MAPK10: variants seen among roughly 807,000 people sequenced by gnomAD.
MAPK10 encodes the protein mitogen-activated protein kinase 10.
Under a neutral mutation model 59.3 loss-of-function variants are expected in MAPK10, and 25 were observed. The observed-to-expected ratio is 0.42, with a 90% CI of 0.31 to 0.59. The LOEUF (loss-of-function observed/expected upper bound fraction) is 0.59, where lower values mean the gene tolerates loss of function less well. Among genes scored for constraint, MAPK10 ranks in the 20% least tolerant of loss-of-function variants. MAPK10 has a pLI of 0.15. For synonymous variants in MAPK10, 190 were observed against 200.5 expected (o/e 0.95, Z 0.44); for missense variants, 351 against 568.9 (o/e 0.62, Z 3.90).
chr4:86,267,522 G>T (rs902970926), intron 2 of MAPK10, among the ~76,000 whole-genome samples: 1 of 152,044 alleles, frequency 6.6e-6, no homozygotes, highest in Non-Finnish European at 1.5e-5. Context: ...TGAGTAAAAG[G>T]CAAATTGTTC....
At chr4:86,359,263 C>CCTCTCTCTCT (rs367595812) in intron 1 of MAPK10, among the ~76,000 whole-genome samples, 3,579 of 53,362 alleles carry the variant, frequency 0.067, 254 homozygotes, top group East Asian at 0.079. Flanking sequence ...TTTTTTTTTT[C>CCTCTCTCTCT]CTCTCTCTCT....
intron 6 of MAPK10, among the ~76,000 whole-genome samples, chr4:86,102,690 T>C (rs1190028797): frequency 6.6e-6 from 1 of 152,032 alleles, no homozygotes; most frequent in Non-Finnish European, 1.5e-5. Flanking sequence ...CTGGATAATT[T>C]TTGTATTTTT....
intron 1 of MAPK10, among the ~76,000 whole-genome samples, chr4:86,491,306 C>T (rs1431520929): frequency 6.6e-6 from 1 of 152,206 alleles, no homozygotes; most frequent in Non-Finnish European, 1.5e-5. Flanking sequence ...GGGGCAAGCA[C>T]ACCTGTCCAA....
At chr4:86,551,132 C>A (rs899006237) in intron 1 of MAPK10, among the ~76,000 whole-genome samples, 1 of 152,182 alleles carries the variant, frequency 6.6e-6, no homozygotes, top group Non-Finnish European at 1.5e-5. Context: ...TCTGACCTCA[C>A]TCTTCTAATA....
At chr4:86,473,907 T>C (rs1307039522) in intron 1 of MAPK10, among the ~76,000 whole-genome samples, 2 of 152,130 alleles carry the variant, frequency 1.3e-5, no homozygotes, top group African/African-American at 4.8e-5. Context: ...CTCAGCACTT[T>C]GGAAGTCTGA....
intron 9 of MAPK10, among the ~76,000 whole-genome samples, chr4:86,092,633 A>G (rs2053468435): frequency 6.6e-6 from 1 of 151,870 alleles, no homozygotes; most frequent in Admixed American, 6.6e-5. Flanking sequence ...ATATATATAT[A>G]TATATTGCTA....
upstream of MAPK10, among the ~76,000 whole-genome samples, chr4:86,453,775 T>C (rs1160762637): frequency 2.6e-5 from 4 of 152,058 alleles, no homozygotes; most frequent in Non-Finnish European, 4.4e-5. Context: ...GATGCTCTCT[T>C]GAAAGCACCA....
chr4:86,537,810 T>C (rs530432790), intron 1 of MAPK10, among the ~76,000 whole-genome samples: 3 of 152,320 alleles, frequency 2.0e-5, no homozygotes, highest in African/African-American at 4.8e-5. Context: ...TTTTGATAAA[T>C]GGCCATTATT....
intron 1 of MAPK10, among the ~76,000 whole-genome samples, chr4:86,582,826 T>C (rs887322888): frequency 3.3e-5 from 5 of 152,230 alleles, no homozygotes; most frequent in African/African-American, 1.2e-4. Context: ...TTTTAGTTGA[T>C]AATTTATATT....
chr4:86,274,031 T>C (rs1205354539), intron 2 of MAPK10, among the ~76,000 whole-genome samples: 1 of 152,018 alleles, frequency 6.6e-6, no homozygotes, highest in East Asian at 1.9e-4. Context: ...TAAAATACAT[T>C]TCACAATAAT....
At chr4:86,456,390 T>C (rs1579285947), upstream of MAPK10, among the ~76,000 whole-genome samples, 2 of 151,648 alleles carry the variant, frequency 1.3e-5, no homozygotes, top group East Asian at 3.9e-4. Flanking sequence ...AAAAGGTAAA[T>C]AAGATTGATA....
chr4:86,041,512 A>C (rs2041517753), intron 11 of MAPK10, among the ~76,000 whole-genome samples: 1 of 152,222 alleles, frequency 6.6e-6, no homozygotes, highest in Admixed American at 6.5e-5. Flanking sequence ...GCTTCTGCAC[A>C]GCAAAAGAAA....
At chr4:86,548,713 C>T (rs1246221499) in intron 1 of MAPK10, among the ~76,000 whole-genome samples, 1 of 152,174 alleles carries the variant, frequency 6.6e-6, no homozygotes, top group African/African-American at 2.4e-5. Flanking sequence ...TCAGGTGTTT[C>T]TTCATAGCAG....
At chr4:86,153,132 C>T (rs527375366) in intron 4 of MAPK10, among the ~76,000 whole-genome samples, 5 of 152,050 alleles carry the variant, frequency 3.3e-5, no homozygotes, top group African/African-American at 9.6e-5. Context: ...CCCTAAAAGA[C>T]AAGTTCTAAA....
intron 2 of MAPK10, among the ~76,000 whole-genome samples, chr4:86,324,128 C>T (rs936970816): frequency 6.6e-6 from 1 of 152,138 alleles, no homozygotes. Flanking sequence ...TAGTTTAGGT[C>T]GGGCGTACTG....
intron 9 of MAPK10, among the ~76,000 whole-genome samples, chr4:86,070,983 G>A (rs2047810816): frequency 6.6e-6 from 1 of 151,950 alleles, no homozygotes; most frequent in Admixed American, 6.5e-5. Context: ...TTCCACAATG[G>A]TTGAACCAGT....
intron 1 of MAPK10, among the ~76,000 whole-genome samples, chr4:86,548,710 T>C (rs1759494543): frequency 6.6e-6 from 1 of 152,204 alleles, no homozygotes; most frequent in African/African-American, 2.4e-5. Context: ...GGCTCAGGTG[T>C]TTCTTCATAG....
At chr4:86,406,753 G>T (rs1368639323) in intron 1 of MAPK10, among the ~76,000 whole-genome samples, 2 of 152,216 alleles carry the variant, frequency 1.3e-5, no homozygotes, top group African/African-American at 4.8e-5. Flanking sequence ...GAGTCCAGTG[G>T]TGACAGGCTG....
chr4:86,512,342 T>A (rs1210978415), intron 1 of MAPK10, among the ~76,000 whole-genome samples: 2 of 152,192 alleles, frequency 1.3e-5, no homozygotes, highest in Non-Finnish European at 2.9e-5. Flanking sequence ...TTGGAAGCAT[T>A]GGCTATATTA....
Sources: allele counts gnomAD v4.1 joint callset (sites outside exome capture counted in the v4.1 genomes callset), GRCh38; gene constraint gnomAD v4.1.1; transcripts MANE v1.5; gene names NCBI Gene and HGNC (gene_info 2026-07-23, HGNC 2026-07-21).